Variants in RGS6 observed in about 807,000 individuals in gnomAD.
The protein encoded by RGS6 is regulator of G protein signaling 6.
RGS6 carries 30 observed loss-of-function variants against 78.5 expected under a neutral mutation model. That is an observed-to-expected ratio of 0.38 (90% confidence interval 0.29 to 0.52). RGS6 has a LOEUF of 0.52. Ranked by LOEUF, RGS6 falls within the 20% of genes least tolerant of loss-of-function variation. The pLI, the probability that RGS6 is intolerant of heterozygous loss-of-function variation, is 0.85. For missense variants in RGS6, 495 were observed against 609.7 expected, an observed-to-expected ratio of 0.81 and a Z score of 1.98; for synonymous variants, 206 against 206.0, an observed-to-expected ratio of 1.00 and a Z score of 0.00.
chr14:72,228,920 C>G (rs910520558), intron 2 of RGS6, among the ~76,000 whole-genome samples: 3 of 151,954 alleles, frequency 2.0e-5, no homozygotes, highest in Non-Finnish European at 4.4e-5. Flanking sequence ...CCGGGCAAGG[C>G]GGCAGGTGCC....
At chr14:72,377,139 T>G (rs146835717) in intron 3 of RGS6, among the ~76,000 whole-genome samples, 63 of 152,152 alleles carry the variant, frequency 4.1e-4, no homozygotes, top group African/African-American at 1.5e-3. Flanking sequence ...CAAGATACAA[T>G]ATACAGCCCA....
At chr14:71,868,647 T>C in the RGS6 span, among the ~76,000 whole-genome samples, 7 of 152,188 alleles carry the variant, frequency 4.6e-5, no homozygotes, top group Admixed American at 2.0e-4. Flanking sequence ...TTAAATACCT[T>C]TAGTGAACCA....
intron 3 of RGS6, among the ~76,000 whole-genome samples, chr14:72,382,508 G>A (rs999917569): frequency 3.3e-5 from 5 of 152,150 alleles, no homozygotes; most frequent in East Asian, 1.9e-4. Flanking sequence ...GTGTGCATTC[G>A]CAAACCACAT....
At chr14:72,488,850 C>T (rs2096534910) in intron 12 of RGS6, among the ~76,000 whole-genome samples, 1 of 152,154 alleles carries the variant, frequency 6.6e-6, no homozygotes, top group Non-Finnish European at 1.5e-5. Context: ...GGAGATGTGA[C>T]CACATCGAGG....
chr14:72,398,918 A>G (rs970359620), intron 3 of RGS6, among the ~76,000 whole-genome samples: 24 of 152,030 alleles, frequency 1.6e-4, no homozygotes, highest in Non-Finnish European at 3.1e-4. Flanking sequence ...TGTGAGAGAC[A>G]GTTTGTTATA....
chr14:72,545,302 C>G (rs151014748), intron 17 of RGS6, among the ~76,000 whole-genome samples: 1 of 152,202 alleles, frequency 6.6e-6, no homozygotes, highest in Non-Finnish European at 1.5e-5. Context: ...AGACTTCCAT[C>G]GAAGTGTTTG....
intron 2 of RGS6, among the ~76,000 whole-genome samples, chr14:72,326,687 A>G (rs1595842595): frequency 4.6e-5 from 7 of 152,152 alleles, no homozygotes; most frequent in Admixed American, 4.6e-4. Flanking sequence ...TTTCTTATAA[A>G]TCACCCAGTC....
At chr14:71,941,208 T>C (rs2090483260) in intron 1 of RGS6, among the ~76,000 whole-genome samples, 1 of 152,228 alleles carries the variant, frequency 6.6e-6, no homozygotes, top group Admixed American at 6.5e-5. Flanking sequence ...ACAGAGTCGC[T>C]AAACTCCCTG....
chr14:72,401,082 T>C (rs1430895048), intron 3 of RGS6, among the ~76,000 whole-genome samples: 2 of 151,688 alleles, frequency 1.3e-5, no homozygotes, highest in African/African-American at 2.4e-5. Context: ...TAATTCTTCA[T>C]TTTTTTTTAG....
chr14:72,052,294 G>A (rs1392955736), intron 2 of RGS6, among the ~76,000 whole-genome samples: 1 of 152,158 alleles, frequency 6.6e-6, no homozygotes, highest in East Asian at 1.9e-4. Flanking sequence ...ACATATTAAT[G>A]TGCCATTTTA....
chr14:72,596,276 T>G, the RGS6 span, among the ~76,000 whole-genome samples: 4 of 152,176 alleles, frequency 2.6e-5, no homozygotes, highest in Non-Finnish European at 5.9e-5. Context: ...AAGTCAGATC[T>G]TTCTCACATC....
intron 2 of RGS6, among the ~76,000 whole-genome samples, chr14:72,070,716 AT>A: frequency 6.6e-6 from 1 of 152,282 alleles, no homozygotes; most frequent in Non-Finnish European, 1.5e-5. Flanking sequence ...CACTGGATGG[AT>A]TTCAGCAAGC....
rs1011187891 is a variant in RGS6 at position 71,950,585 on chromosome 14, G to A, written c.-20-14187G>A. On this transcript the variant is annotated intron_variant, in intron 1 of 17. Coordinates refer to ENST00000553525, the MANE Select transcript of RGS6 (RefSeq NM_001204424.2). ...AAATTGAGAAATGAGATATAATTAAGGAGCTTCTGCATAGCAAAAGAAACT... is the reference window on the plus strand; with the variant it reads ...AAATTGAGAAATGAGATATAATTAAAGAGCTTCTGCATAGCAAAAGAAACT... 5.3e-5 allele frequency among the ~76,000 whole-genome samples: 8 copies of A among 151,846 alleles called. No homozygotes were observed. The South Asian group carries it at 1.7e-3, about 32-fold the overall frequency.
chr14:72,085,121 A>G (rs913765537), intron 2 of RGS6, among the ~76,000 whole-genome samples: 8 of 152,196 alleles, frequency 5.3e-5, no homozygotes, highest in African/African-American at 1.9e-4. Flanking sequence ...TGGATACTCC[A>G]TATGTGTAGA....
chr14:72,131,618 T>A (rs2096318468), intron 2 of RGS6, among the ~76,000 whole-genome samples: 1 of 152,182 alleles, frequency 6.6e-6, no homozygotes, highest in South Asian at 2.1e-4. Context: ...TAGCTTGGAG[T>A]TTGACCTTAG....
chr14:72,010,291 G>C (rs2085410906), intron 2 of RGS6, among the ~76,000 whole-genome samples: 1 of 152,114 alleles, frequency 6.6e-6, no homozygotes, highest in African/African-American at 2.4e-5. Flanking sequence ...CTTGAGGAAA[G>C]TTCAGACAAA....
chr14:72,259,155 A>AT (rs1445597229), intron 2 of RGS6, among the ~76,000 whole-genome samples: 2 of 152,128 alleles, frequency 1.3e-5, no homozygotes, highest in Non-Finnish European at 2.9e-5. Context: ...ATTTGTTGGG[A>AT]TTTTTGTTTT....
the RGS6 span, among the ~76,000 whole-genome samples, chr14:72,589,477 G>A: frequency 1.3e-5 from 2 of 152,214 alleles, no homozygotes; most frequent in African/African-American, 2.4e-5. Context: ...TTGAACCCAG[G>A]AGGCAGAGGT....
chr14:72,044,086 C>G (rs2092649747), intron 2 of RGS6, among the ~76,000 whole-genome samples: 1 of 152,186 alleles, frequency 6.6e-6, no homozygotes, highest in African/African-American at 2.4e-5. Context: ...CATGACTAGT[C>G]TCCTCATGAG....
Sources: gnomAD v4.1 joint callset for allele counts (sites outside exome capture counted in the v4.1 genomes callset) on GRCh38, gnomAD v4.1.1 for gene constraint, MANE v1.5 for transcripts, NCBI Gene and HGNC (gene_info 2026-07-23, HGNC 2026-07-21) for gene names.